Variants in CD72 observed in about 807,000 individuals in gnomAD.
CD72 encodes CD72 molecule.
A neutral mutation model predicts 50.7 loss-of-function variants in CD72; 28 were observed. That is an observed-to-expected ratio of 0.55 (90% confidence interval 0.41 to 0.76). The LOEUF is 0.76. Ranked by LOEUF, CD72 falls within the 30% of genes least tolerant of loss-of-function variation. The probability of loss-of-function intolerance (pLI) is 0.00; values close to 1 mark genes in which losing one functional copy is unlikely to be tolerated. For synonymous variants in CD72, 176 were observed against 171.2 expected, an observed-to-expected ratio of 1.03 and a Z score of -0.22; for missense variants, 403 against 420.6, an observed-to-expected ratio of 0.96 and a Z score of 0.37.
At chr9:35,630,562 T>C (rs1234693392) in intron 1 of CD72, among the ~76,000 whole-genome samples, 1 of 152,230 alleles carries the variant, frequency 6.6e-6, no homozygotes, top group Non-Finnish European at 1.5e-5. Flanking sequence ...AATATTTTAC[T>C]GTATAACTTT....
chr9:35,615,785 C>G (rs147713855), intron 5 of CD72, among the ~76,000 whole-genome samples, 158 bp downstream of exon 5: 2 of 145,624 alleles, frequency 1.4e-5, no homozygotes, highest in Admixed American at 1.4e-4. Flanking sequence ...TGGTCCTTCT[C>G]TCTGTTGGCC....
At chr9:35,627,263 T>C (rs532139221) in intron 1 of CD72, among the ~76,000 whole-genome samples, 1 of 152,112 alleles carries the variant, frequency 6.6e-6, no homozygotes, top group South Asian at 2.1e-4. Context: ...TAGCTGGGAT[T>C]ACAGGCATGC....
chr9:35,632,422 G>A (rs570894022), intron 1 of CD72, among the ~76,000 whole-genome samples: 1 of 151,658 alleles, frequency 6.6e-6, no homozygotes, highest in Non-Finnish European at 1.5e-5. Flanking sequence ...CGCCCGCCTC[G>A]GCCTCCCAAA....
upstream of CD72, chr9:35,619,594 G>GC (rs1281910824): frequency 1.3e-5 from 2 of 152,312 alleles, no homozygotes; most frequent in Non-Finnish European, 2.9e-5. Context: ...GCTCCGCCCA[G>GC]CCAGCCCTAG....
chr9:35,636,621 G>A (rs7037690), intron 1 of CD72, among the ~76,000 whole-genome samples: 33,378 of 152,098 alleles, frequency 0.22, 3,845 homozygotes, highest in Non-Finnish European at 0.24. Flanking sequence ...TGGCCACATC[G>A]CTTCCAAAGA....
intron 1 of CD72, chr9:35,643,134 C>G (rs923535918): frequency 2.0e-5 from 3 of 152,274 alleles, no homozygotes; most frequent in Non-Finnish European, 4.4e-5. Flanking sequence ...TGCCAAAAGC[C>G]TGGCCACTGG....
At chr9:35,627,000 G>C in intron 1 of CD72, among the ~76,000 whole-genome samples, 1 of 151,962 alleles carries the variant, frequency 6.6e-6, no homozygotes. Context: ...ACCATGCCTG[G>C]CTAATCTTTT....
upstream of CD72, among the ~76,000 whole-genome samples, chr9:35,621,681 T>C (rs1228379180): frequency 6.6e-6 from 1 of 152,164 alleles, no homozygotes; most frequent in Non-Finnish European, 1.5e-5. Context: ...ACATGAGTCC[T>C]TGAAAGGGAG....
At position 35,616,439 on chromosome 9, in the gene CD72, A is replaced by G. The variant is rs1241688536; in HGVS notation, c.352+161T>C. On this transcript the variant is annotated intron_variant, in intron 4 of 8. Coordinates refer to ENST00000259633, the MANE Select transcript of CD72 (RefSeq NM_001782.3). ...GCGTAAGGAGGTACTGGATTAGGTG[A>G]GGACAATTCAGGAAGACAACAGCCC... 3 of 822,704 alleles carry G rather than the reference A, an allele frequency of 3.6e-6. No homozygotes were observed. In the East Asian group the frequency reaches 8.0e-5, roughly 22 times the overall value. The allele number at this position is 822,704 out of a possible 1,614,324, so 51.0% of individuals were successfully genotyped here. A position where few individuals can be genotyped will look rare whatever the true frequency, so the allele number is the denominator to read the frequency against.
At chr9:35,631,586 C>T (rs1008840760) in intron 1 of CD72, among the ~76,000 whole-genome samples, 16 of 152,254 alleles carry the variant, frequency 1.1e-4, no homozygotes, top group African/African-American at 3.6e-4. Context: ...TTTCTATACT[C>T]TTGACCAGTT....
At chr9:35,610,867 A>G in intron 7 of CD72, 114 bp from the exon 8 acceptor site, 3 of 770,532 alleles carry the variant, frequency 3.9e-6, no homozygotes, top group East Asian at 5.1e-5. Flanking sequence ...GCCTAAGGCC[A>G]CATCTGGGCA....
chr9:35,641,266 T>C (rs111286594), intron 1 of CD72, among the ~76,000 whole-genome samples: 1 of 152,212 alleles, frequency 6.6e-6, no homozygotes, highest in East Asian at 1.9e-4. Context: ...ATCTTAGTCA[T>C]GGACTGCATC....
In CD72 at chr9:35,610,311, A is replaced by G; in HGVS notation, c.*23-11T>C. Reference sequence around the variant, plus strand: ...TGTTGGCATGAGTGTCTGGAAAAGTAAAGTATCAGTGAGCTCCATGGTTGA... The same window carrying G: ...TGTTGGCATGAGTGTCTGGAAAAGTGAAGTATCAGTGAGCTCCATGGTTGA... On this transcript the variant is annotated splice_polypyrimidine_tract_variant and intron_variant, in intron 8 of 8. Transcript: ENST00000259633. 1 of 234,852 alleles carries G rather than the reference A, an allele frequency of 4.3e-6. No homozygotes were observed. Among genetic ancestry groups the G allele is most frequent in the South Asian group, 8.9e-5 (1 of 11,238 alleles). 14.5% of individuals were successfully genotyped at this position (234,852 alleles called of 1,614,324 possible). A position where few individuals can be genotyped will look rare whatever the true frequency, so the allele number is the denominator to read the frequency against.
chr9:35,612,168 C>T (rs903308070), intron 6 of CD72, among the ~76,000 whole-genome samples: 3 of 152,196 alleles, frequency 2.0e-5, no homozygotes, highest in Non-Finnish European at 4.4e-5. Flanking sequence ...GTTCTGGCCC[C>T]AAGGAACTAA....
At chr9:35,642,285 G>A (rs530126959) in intron 1 of CD72, among the ~76,000 whole-genome samples, 54 of 152,328 alleles carry the variant, frequency 3.5e-4, no homozygotes, top group African/African-American at 1.1e-3. Flanking sequence ...TTGCACAAGT[G>A]CACAGTCGCA....
At chr9:35,621,764 C>T (rs758549426), upstream of CD72, among the ~76,000 whole-genome samples, 1 of 152,184 alleles carries the variant, frequency 6.6e-6, no homozygotes, top group African/African-American at 2.4e-5. Context: ...AGGAGAAACA[C>T]TCAACCCATA....
At chr9:35,634,136 T>C (rs150298810) in intron 1 of CD72, among the ~76,000 whole-genome samples, 1 of 152,288 alleles carries the variant, frequency 6.6e-6, no homozygotes, top group East Asian at 1.9e-4. Context: ...ATATTGTTGT[T>C]AACTCTTCTT....
chr9:35,646,431 C>T (rs1254935255), exon 1 of CD72: 1 of 152,164 alleles, frequency 6.6e-6, no homozygotes, highest in Non-Finnish European at 1.5e-5. Context: ...AGAGAAATCA[C>T]AGGTATTTGT....
chr9:35,628,871 TTTTTTTG>T (rs1265825747), intron 1 of CD72, among the ~76,000 whole-genome samples: 1 of 152,160 alleles, frequency 6.6e-6, no homozygotes, highest in Non-Finnish European at 1.5e-5. Flanking sequence ...AAGTGGTATC[TTTTTTTG>T]TTTTTTGTTT....
Sources: allele counts gnomAD v4.1 joint callset (sites outside exome capture counted in the v4.1 genomes callset), GRCh38; gene constraint gnomAD v4.1.1; transcripts MANE v1.5; gene names NCBI Gene and HGNC (gene_info 2026-07-23, HGNC 2026-07-21).